EBF1: variants seen among roughly 807,000 people sequenced by gnomAD.
The protein encoded by EBF1 is EBF transcription factor 1, also known as transcription factor COE1.
EBF1 carries 10 observed loss-of-function variants against 68.4 expected under a neutral mutation model. The ratio of observed to expected loss-of-function variants is 0.15; its 90% CI spans 0.09 to 0.25. EBF1 has a LOEUF of 0.25. Among genes scored for constraint, EBF1 ranks in the 10% least tolerant of loss-of-function variants. The pLI is 1.00. For synonymous variants in EBF1, 298 were observed against 299.8 expected (o/e 0.99, Z 0.06); for missense variants, 509 against 794.4 (o/e 0.64, Z 4.32).
chr5:159,094,164 G>GTA (rs1415478986), intron 4 of EBF1, among the ~76,000 whole-genome samples: 9 of 14,206 alleles, frequency 6.3e-4, no homozygotes, highest in Non-Finnish European at 1.2e-3. Context: ...GCCTTGGAAG[G>GTA]CAAAAAAAAA....
intron 6 of EBF1, among the ~76,000 whole-genome samples, chr5:158,886,611 G>A (rs984100117): frequency 6.6e-6 from 1 of 152,272 alleles, no homozygotes; most frequent in Non-Finnish European, 1.5e-5. Context: ...TTTACATAAG[G>A]TAATGCTGCC....
At chr5:158,743,706 G>A (rs1185713033) in intron 10 of EBF1, among the ~76,000 whole-genome samples, 1 of 152,168 alleles carries the variant, frequency 6.6e-6, no homozygotes, top group Non-Finnish European at 1.5e-5. Flanking sequence ...ACGAAGAATG[G>A]GGGATGGCTG....
chr5:158,993,150 G>A (rs111298234), intron 6 of EBF1, among the ~76,000 whole-genome samples: 6 of 149,530 alleles, frequency 4.0e-5, no homozygotes, highest in African/African-American at 1.2e-4. Flanking sequence ...GGGCTCAAGC[G>A]ATTCTCCTGC....
chr5:158,876,025 A>G (rs1295649095), intron 6 of EBF1, among the ~76,000 whole-genome samples: 1 of 152,222 alleles, frequency 6.6e-6, no homozygotes, highest in African/African-American at 2.4e-5. Flanking sequence ...TTAGCACAGG[A>G]AGGAACCTTA....
chr5:158,702,976 A>T (rs1757089221), intron 15 of EBF1, among the ~76,000 whole-genome samples: 1 of 151,798 alleles, frequency 6.6e-6, no homozygotes, highest in African/African-American at 2.4e-5. Context: ...TTGTGAAATT[A>T]CTCTGGCCTT....
intron 6 of EBF1, among the ~76,000 whole-genome samples, chr5:159,025,904 T>C (rs1020801702): frequency 6.6e-6 from 1 of 152,228 alleles, no homozygotes; most frequent in Non-Finnish European, 1.5e-5. Flanking sequence ...GATTTTCTTC[T>C]TGGGCATTTT....
chr5:159,022,559 A>C (rs1323777176), intron 6 of EBF1, among the ~76,000 whole-genome samples: 3 of 152,248 alleles, frequency 2.0e-5, no homozygotes, highest in Non-Finnish European at 4.4e-5. Flanking sequence ...CGCATGTGCA[A>C]CTCTTAAAGA....
chr5:158,822,331 T>C (rs1785054301), intron 8 of EBF1, among the ~76,000 whole-genome samples: 1 of 151,828 alleles, frequency 6.6e-6, no homozygotes, highest in African/African-American at 2.4e-5. Context: ...GATAGATGGA[T>C]AGATAGATGA....
chr5:159,065,365 A>T (rs1442367273), intron 6 of EBF1, among the ~76,000 whole-genome samples: 1 of 152,234 alleles, frequency 6.6e-6, no homozygotes, highest in African/African-American at 2.4e-5. Flanking sequence ...GCAAAGGCGG[A>T]GAATTCACGG....
intron 6 of EBF1, among the ~76,000 whole-genome samples, chr5:158,980,497 G>A (rs1757681784): frequency 6.6e-6 from 1 of 152,130 alleles, no homozygotes; most frequent in South Asian, 2.1e-4. Context: ...AACAGGAATT[G>A]GAAACCAGCA....
chr5:159,004,886 G>A (rs1467117193), intron 6 of EBF1, among the ~76,000 whole-genome samples: 1 of 152,136 alleles, frequency 6.6e-6, no homozygotes, highest in Non-Finnish European at 1.5e-5. Flanking sequence ...AAGCCAGCCA[G>A]CAATATATCT....
chr5:158,776,783 G>C (rs547538439), intron 10 of EBF1, among the ~76,000 whole-genome samples: 1 of 152,278 alleles, frequency 6.6e-6, no homozygotes, highest in South Asian at 2.1e-4. Flanking sequence ...TCACAATCTA[G>C]GGATCTCTTA....
intron 10 of EBF1, among the ~76,000 whole-genome samples, chr5:158,775,783 GACACA>G (rs1775054295): frequency 3.9e-4 from 50 of 129,600 alleles, no homozygotes; most frequent in African/African-American, 1.4e-3. Flanking sequence ...CATGCACACA[GACACA>G]CACACACACA....
At chr5:158,753,119 A>AT (rs565647722) in intron 10 of EBF1, among the ~76,000 whole-genome samples, 13 of 151,812 alleles carry the variant, frequency 8.6e-5, no homozygotes, top group South Asian at 6.2e-4. Flanking sequence ...GCAGAAAGTA[A>AT]TTTTTTTTTA....
chr5:158,960,580 A>G (rs187226513), intron 6 of EBF1, among the ~76,000 whole-genome samples: 3 of 152,226 alleles, frequency 2.0e-5, no homozygotes, highest in East Asian at 1.9e-4. Flanking sequence ...AAATGTTTTT[A>G]AAAAATAGGT....
At chr5:158,791,589 T>A (rs572038490) in intron 9 of EBF1, among the ~76,000 whole-genome samples, 15 of 152,038 alleles carry the variant, frequency 9.9e-5, no homozygotes, top group East Asian at 3.9e-4. Context: ...CTTTTTTTTT[T>A]AATTGACAGC....
chr5:159,083,303 C>G (rs1561975112), intron 5 of EBF1, among the ~76,000 whole-genome samples: 1 of 152,156 alleles, frequency 6.6e-6, no homozygotes, highest in African/African-American at 2.4e-5. Flanking sequence ...AAAGGTGCAA[C>G]TCAGCTTTAT....
At chr5:159,075,364 G>A (rs542696715) in intron 5 of EBF1, among the ~76,000 whole-genome samples, 1 of 152,242 alleles carries the variant, frequency 6.6e-6, no homozygotes, top group South Asian at 2.1e-4. Context: ...TCCAAAAGCA[G>A]CCCATCGACA....
At chr5:158,702,501 T>C (rs1756961252) in intron 15 of EBF1, among the ~76,000 whole-genome samples, 2 of 152,232 alleles carry the variant, frequency 1.3e-5, no homozygotes, top group South Asian at 4.2e-4. Context: ...AATGCATTTT[T>C]CATTACCGTT....
Sources: gnomAD v4.1 joint callset for allele counts (sites outside exome capture counted in the v4.1 genomes callset) on GRCh38, gnomAD v4.1.1 for gene constraint, MANE v1.5 for transcripts, NCBI Gene and HGNC (gene_info 2026-07-23, HGNC 2026-07-21) for gene names.